The following FAM114A1 variants were observed in gnomAD, a reference collection of about 807,000 sequenced individuals.
FAM114A1 encodes family with sequence similarity 114 member A1.
Under a neutral mutation model 64.3 loss-of-function variants are expected in FAM114A1, and 62 were observed. The observed-to-expected ratio is 0.96, with a 90% CI of 0.79 to 1.19. The LOEUF is 1.19. Among genes scored for constraint, FAM114A1 ranks in the 50% most tolerant of loss-of-function variants. The pLI is 0.00. For synonymous variants in FAM114A1, 254 were observed against 251.1 expected, an observed-to-expected ratio of 1.01 and a Z score of -0.11; for missense variants, 645 against 676.3, an observed-to-expected ratio of 0.95 and a Z score of 0.51.
At chr4:38,924,050 C>T (rs1719880002) in intron 9 of FAM114A1, among the ~76,000 whole-genome samples, 1 of 152,126 alleles carries the variant, frequency 6.6e-6, no homozygotes, top group African/African-American at 2.4e-5. Flanking sequence ...CTCCTAGGAC[C>T]TTTGGAAGGG....
At chr4:38,876,189 T>TTTTTTC (rs1714616289) in intron 2 of FAM114A1, among the ~76,000 whole-genome samples, 1 of 136,780 alleles carries the variant, frequency 7.3e-6, no homozygotes, top group African/African-American at 2.8e-5. Flanking sequence ...TTTTTTTTTT[T>TTTTTTC]GAGACGGTCT....
At chr4:38,904,099 G>A (rs547769318) in intron 4 of FAM114A1, among the ~76,000 whole-genome samples, 29 of 152,248 alleles carry the variant, frequency 1.9e-4, no homozygotes, top group African/African-American at 6.5e-4. Flanking sequence ...ATTCTGTTGG[G>A]ACTTGGGACG....
chr4:38,878,308 C>A lies in FAM114A1; in HGVS notation c.230C>A (p.Ala77Asp), dbSNP rs1015231539. ...CCTGTGCAGCCTCAGGATGCCAACG[C>A]CCTGGAGCCCCCTCTCAATGGAGAC... ...GPPVQPQDAN[A>D]LEPPLNGDVT... The change falls in exon 3 of 15, where the codon GCC becomes GAC. Residue 77 changes from alanine to aspartate, a missense_variant. Physicochemically the swap from Ala to Asp is moderately radical, Grantham distance 126. Transcript: ENST00000358869. 7 of 1,614,136 alleles carry A rather than the reference C, an allele frequency of 4.3e-6. No homozygotes were observed. The African/African-American group carries it at 6.7e-5, about 15-fold the overall frequency.
At chr4:38,941,090 T>C in intron 14 of FAM114A1, 69 bp downstream of exon 14, 6 of 1,357,484 alleles carry the variant, frequency 4.4e-6, no homozygotes, top group South Asian at 2.6e-5. Flanking sequence ...TTTTTTTTTT[T>C]GCCTTTCTTC....
At chr4:38,937,595 C>G (rs1430085440) in intron 13 of FAM114A1, among the ~76,000 whole-genome samples, 1 of 152,092 alleles carries the variant, frequency 6.6e-6, no homozygotes, top group Non-Finnish European at 1.5e-5. Flanking sequence ...TTCAATATGT[C>G]TTTTTGCAGG....
intron 13 of FAM114A1, among the ~76,000 whole-genome samples, chr4:38,938,943 T>C (rs1257345406): frequency 6.6e-6 from 1 of 152,244 alleles, no homozygotes; most frequent in Non-Finnish European, 1.5e-5. Context: ...ATGGTATTGC[T>C]TTCCATTCCT....
chr4:38,873,853 A>T (rs1714346232), intron 2 of FAM114A1, among the ~76,000 whole-genome samples: 1 of 152,126 alleles, frequency 6.6e-6, no homozygotes, highest in East Asian at 1.9e-4. Context: ...TCATCTCAGG[A>T]GGGAGAGGAA....
intron 10 of FAM114A1, among the ~76,000 whole-genome samples, 168 bp from the exon 11 acceptor site, chr4:38,931,283 C>T (rs981576277): frequency 2.0e-5 from 3 of 152,114 alleles, no homozygotes; most frequent in Admixed American, 6.6e-5. Context: ...CAGAAAGCAA[C>T]AACAAGGTTA....
intron 7 of FAM114A1, among the ~76,000 whole-genome samples, chr4:38,912,309 G>A (rs1237423273): frequency 1.3e-5 from 2 of 152,082 alleles, no homozygotes; most frequent in African/African-American, 4.8e-5. Flanking sequence ...CTTCTCTAGT[G>A]GGAAAATAGA....
intron 12 of FAM114A1, among the ~76,000 whole-genome samples, chr4:38,934,629 G>A (rs1464923998): frequency 6.6e-6 from 1 of 152,098 alleles, no homozygotes; most frequent in Non-Finnish European, 1.5e-5. Context: ...TACATTACTA[G>A]GTAATCAGAT....
intron 4 of FAM114A1, among the ~76,000 whole-genome samples, chr4:38,903,565 A>G (rs1196170939): frequency 6.6e-6 from 1 of 152,114 alleles, no homozygotes; most frequent in Non-Finnish European, 1.5e-5. Context: ...GAAAATGCAT[A>G]TATATATATT....
chr4:38,895,075 C>T (rs925189788), intron 4 of FAM114A1, among the ~76,000 whole-genome samples: 2 of 152,152 alleles, frequency 1.3e-5, no homozygotes, highest in Non-Finnish European at 2.9e-5. Flanking sequence ...ACATAGACCA[C>T]AGATCAGGAA....
At chr4:38,904,481 C>T (rs1363230756) in intron 4 of FAM114A1, among the ~76,000 whole-genome samples, 2 of 152,214 alleles carry the variant, frequency 1.3e-5, no homozygotes, top group Non-Finnish European at 1.5e-5. Flanking sequence ...CTGCCTGGCT[C>T]AGGGAACAAG....
chr4:38,879,758 G>A (rs140144525), intron 3 of FAM114A1, among the ~76,000 whole-genome samples: 1 of 152,094 alleles, frequency 6.6e-6, no homozygotes, highest in Non-Finnish European at 1.5e-5. Flanking sequence ...TCAAGAGGTC[G>A]CTGACCCTTT....
At chr4:38,926,439 T>A (rs984024610) in intron 9 of FAM114A1, among the ~76,000 whole-genome samples, 7 of 151,100 alleles carry the variant, frequency 4.6e-5, no homozygotes, top group African/African-American at 7.3e-5. Context: ...TCTCTAGCTC[T>A]GTCTCTCTCT....
intron 4 of FAM114A1, among the ~76,000 whole-genome samples, chr4:38,905,083 C>A (rs1291530623): frequency 6.6e-6 from 1 of 152,126 alleles, no homozygotes. Context: ...AGCAGGGATT[C>A]CTCTTTCTTT....
chr4:38,892,043 AG>A (rs1201757424), intron 4 of FAM114A1, among the ~76,000 whole-genome samples: 1 of 152,262 alleles, frequency 6.6e-6, no homozygotes, highest in African/African-American at 2.4e-5. Flanking sequence ...TGCACTTTAC[AG>A]GTAAGGAAGC....
intron 8 of FAM114A1, among the ~76,000 whole-genome samples, chr4:38,918,393 G>A (rs899465191): frequency 6.6e-6 from 1 of 152,162 alleles, no homozygotes; most frequent in Non-Finnish European, 1.5e-5. Context: ...GGCTCCGCTA[G>A]GCCCGTTCCA....
chr4:38,935,855 G>A, intron 13 of FAM114A1, 65 bp downstream of exon 13: 1 of 1,147,648 alleles, frequency 8.7e-7, no homozygotes, highest in South Asian at 1.3e-5. Flanking sequence ...AGGAAATGTG[G>A]AGATGCAGCG....
Sources: allele counts gnomAD v4.1 joint callset (sites outside exome capture counted in the v4.1 genomes callset), GRCh38; gene constraint gnomAD v4.1.1; transcripts MANE v1.5; gene names NCBI Gene and HGNC (gene_info 2026-07-23, HGNC 2026-07-21).